PIK3R3: variants seen among roughly 807,000 people sequenced by gnomAD.
The protein encoded by PIK3R3 is phosphatidylinositol 3-kinase regulatory subunit gamma.
A neutral mutation model predicts 62.9 loss-of-function variants in PIK3R3; 64 were observed. The observed-to-expected ratio is 1.02, with a 90% CI of 0.83 to 1.25. PIK3R3 has a LOEUF of 1.25. Among genes scored for constraint, PIK3R3 ranks in the 50% most tolerant of loss-of-function variants. The pLI, the probability that PIK3R3 is intolerant of heterozygous loss-of-function variation, is 0.00. For missense variants in PIK3R3, 614 were observed against 561.6 expected, an observed-to-expected ratio of 1.09 and a Z score of -0.94; for synonymous variants, 165 against 189.0, an observed-to-expected ratio of 0.87 and a Z score of 1.04.
At chr1:46,124,376 C>T (rs993207901) in intron 1 of PIK3R3, among the ~76,000 whole-genome samples, 1 of 152,110 alleles carries the variant, frequency 6.6e-6, no homozygotes, top group African/African-American at 2.4e-5. Flanking sequence ...AGGCTGTCTC[C>T]CCCTTTAATA....
intron 1 of PIK3R3, among the ~76,000 whole-genome samples, chr1:46,120,041 C>T (rs1358979129): frequency 3.9e-5 from 6 of 152,162 alleles, no homozygotes; most frequent in Non-Finnish European, 7.4e-5. Flanking sequence ...AATCATTCCA[C>T]AGGTCCCAAG....
At chr1:46,061,891 G>C (rs777298331) in intron 6 of PIK3R3, 38 bp downstream of exon 6, 4 of 1,580,870 alleles carry the variant, frequency 2.5e-6, no homozygotes, top group Non-Finnish European at 3.5e-6. Flanking sequence ...AAGAAATCCT[G>C]TCTCACTGAT....
chr1:46,066,403 C>G (rs1648992215), intron 4 of PIK3R3, among the ~76,000 whole-genome samples: 1 of 152,060 alleles, frequency 6.6e-6, no homozygotes, highest in East Asian at 1.9e-4. Flanking sequence ...ATGATTAATA[C>G]TTTAAAAATT....
At chr1:46,075,830 C>G (rs1490040996) in intron 3 of PIK3R3, among the ~76,000 whole-genome samples, 1 of 152,102 alleles carries the variant, frequency 6.6e-6, no homozygotes, top group African/African-American at 2.4e-5. Flanking sequence ...GTGGCTCAGT[C>G]CAATTCCTAA....
At chr1:46,171,715 A>G in the PIK3R3 span, among the ~76,000 whole-genome samples, 1 of 151,570 alleles carries the variant, frequency 6.6e-6, no homozygotes, top group African/African-American at 2.4e-5. Flanking sequence ...CGGGGGCAGG[A>G]GTTGGGGTCT....
chr1:46,151,307 G>T, the PIK3R3 span, among the ~76,000 whole-genome samples: 1 of 152,128 alleles, frequency 6.6e-6, no homozygotes, highest in African/African-American at 2.4e-5. Flanking sequence ...GGTGGCTTGG[G>T]TGCTTGCTAC....
intron 1 of PIK3R3, among the ~76,000 whole-genome samples, chr1:46,098,243 C>T (rs1652334479): frequency 6.6e-6 from 1 of 152,118 alleles, no homozygotes; most frequent in Admixed American, 6.5e-5. Context: ...TAGCTATAAT[C>T]AAAAAGATAC....
intron 2 of PIK3R3, among the ~76,000 whole-genome samples, chr1:46,078,850 A>G (rs1295987105): frequency 2.0e-5 from 3 of 152,222 alleles, no homozygotes; most frequent in Non-Finnish European, 4.4e-5. Context: ...AAGACGTATG[A>G]AGAAAGTGAA....
chr1:46,173,015 G>GAAAC, the PIK3R3 span, among the ~76,000 whole-genome samples: 1 of 151,942 alleles, frequency 6.6e-6, no homozygotes, highest in South Asian at 2.1e-4. Flanking sequence ...AAAGAAAAAA[G>GAAAC]AAACAAACAA....
chr1:46,144,883 G>A, the PIK3R3 span, among the ~76,000 whole-genome samples: 1 of 151,992 alleles, frequency 6.6e-6, no homozygotes, highest in Non-Finnish European at 1.5e-5. Flanking sequence ...CCAGTACTTT[G>A]GAAGGCTGAG....
At chr1:46,109,098 G>C (rs1315847104) in intron 1 of PIK3R3, among the ~76,000 whole-genome samples, 2 of 150,824 alleles carry the variant, frequency 1.3e-5, no homozygotes, top group South Asian at 2.1e-4. Flanking sequence ...GGTGGAGCTT[G>C]CAGTAAGCCA....
At chr1:46,097,753 G>C (rs1253550004) in intron 1 of PIK3R3, among the ~76,000 whole-genome samples, 1 of 152,036 alleles carries the variant, frequency 6.6e-6, no homozygotes, top group Non-Finnish European at 1.5e-5. Context: ...GCCAGGTGTG[G>C]TGGTGGACGC....
the PIK3R3 span, among the ~76,000 whole-genome samples, chr1:46,169,609 C>A: frequency 6.6e-6 from 1 of 152,110 alleles, no homozygotes; most frequent in African/African-American, 2.4e-5. Flanking sequence ...CCAAAGTTCA[C>A]ACAGCAGGTA....
chr1:46,127,601 C>T (rs1451760436), intron 1 of PIK3R3, among the ~76,000 whole-genome samples: 1 of 152,142 alleles, frequency 6.6e-6, no homozygotes, highest in African/African-American at 2.4e-5. Flanking sequence ...AGGTGACGCT[C>T]TTTGAGAGGC....
At chr1:46,067,853 T>A (rs1460998143) in intron 3 of PIK3R3, among the ~76,000 whole-genome samples, 1 of 152,226 alleles carries the variant, frequency 6.6e-6, no homozygotes, top group African/African-American at 2.4e-5. Flanking sequence ...CTGAGTCATA[T>A]CTAAATGGAC....
At chr1:46,090,101 T>G (rs1396054368) in intron 1 of PIK3R3, among the ~76,000 whole-genome samples, 1 of 152,112 alleles carries the variant, frequency 6.6e-6, no homozygotes, top group Non-Finnish European at 1.5e-5. Flanking sequence ...ACTTTTTGAC[T>G]TTTTAAACTA....
the PIK3R3 span, among the ~76,000 whole-genome samples, chr1:46,150,878 G>A: frequency 1.4e-5 from 2 of 143,752 alleles, no homozygotes; most frequent in East Asian, 4.1e-4. Context: ...GTGTGATCTC[G>A]GCTCACTGCA....
the PIK3R3 span, among the ~76,000 whole-genome samples, chr1:46,166,024 T>C: frequency 1.3e-5 from 2 of 151,760 alleles, no homozygotes; most frequent in Non-Finnish European, 2.9e-5. Context: ...TTCGCCCGCC[T>C]CGGCCTCCCA....
At position 46,043,891 on chromosome 1, in the gene PIK3R3, A is replaced by G; in HGVS notation, c.1188-20T>C. Reference sequence around the variant, plus strand: ...TCGGCCCTGCAATGACAAACCACAGAAGAAATGTTAAGGTAGGTAACAATA... The same window carrying G: ...TCGGCCCTGCAATGACAAACCACAGGAGAAATGTTAAGGTAGGTAACAATA... On this transcript the variant is annotated intron_variant, in intron 9 of 9. Coordinates refer to ENST00000262741, the MANE Select transcript of PIK3R3 (RefSeq NM_003629.4). The G allele has an allele frequency of 6.3e-7, 1 of 1,596,148 alleles. No homozygotes were observed. The highest frequency in any genetic ancestry group is 8.6e-7 in the Non-Finnish European group (1 of 1,167,542).
Sources: gnomAD v4.1 joint callset for allele counts (sites outside exome capture counted in the v4.1 genomes callset) on GRCh38, gnomAD v4.1.1 for gene constraint, MANE v1.5 for transcripts, NCBI Gene and HGNC (gene_info 2026-07-23, HGNC 2026-07-21) for gene names.